The following SLC14A2 variants were observed in gnomAD, a reference collection of about 807,000 sequenced individuals.
SLC14A2 encodes the protein urea transporter 2.
A neutral mutation model predicts 104.6 loss-of-function variants in SLC14A2; 91 were observed. That is an observed-to-expected ratio of 0.87 (90% CI 0.73 to 1.04). The LOEUF is 1.04. Ranked by LOEUF, SLC14A2 falls within the 50% of genes least tolerant of loss-of-function variation. The pLI is 0.00. For missense variants in SLC14A2, 1,189 were observed against 1,156.0 expected, an observed-to-expected ratio of 1.03 and a Z score of -0.41; for synonymous variants, 476 against 466.4, an observed-to-expected ratio of 1.02 and a Z score of -0.27.
intron 1 of SLC14A2, among the ~76,000 whole-genome samples, chr18:45,441,025 T>G (rs1368190132): frequency 6.6e-6 from 1 of 152,192 alleles, no homozygotes; most frequent in African/African-American, 2.4e-5. Flanking sequence ...TGGTCTCCTA[T>G]TTTTGCCCAA....
chr18:45,461,398 G>T (rs2087042589), intron 1 of SLC14A2, among the ~76,000 whole-genome samples: 1 of 152,042 alleles, frequency 6.6e-6, no homozygotes, highest in Non-Finnish European at 1.5e-5. Context: ...AGTGAGAATT[G>T]CATTTCTCTT....
chr18:45,361,105 C>CT (rs774036262), intron 1 of SLC14A2, among the ~76,000 whole-genome samples: 2 of 152,290 alleles, frequency 1.3e-5, no homozygotes, highest in Non-Finnish European at 2.9e-5. Flanking sequence ...GACCACCCAG[C>CT]TAGAAGTCCC....
At chr18:45,627,911 G>C (rs2045284422) in intron 4 of SLC14A2, among the ~76,000 whole-genome samples, 1 of 150,112 alleles carries the variant, frequency 6.7e-6, no homozygotes, top group Admixed American at 6.7e-5. Flanking sequence ...TCGGAAGGCT[G>C]AGGATCTCTT....
intron 1 of SLC14A2, among the ~76,000 whole-genome samples, chr18:45,366,162 G>T (rs2085663642): frequency 6.6e-6 from 1 of 152,116 alleles, no homozygotes; most frequent in East Asian, 1.9e-4. Context: ...TGCCTCCCTG[G>T]TCAGGTGCTT....
chr18:45,350,242 C>T (rs756661322), intron 1 of SLC14A2, among the ~76,000 whole-genome samples: 7 of 152,174 alleles, frequency 4.6e-5, no homozygotes, highest in Non-Finnish European at 1.0e-4. Context: ...GAATAAATGT[C>T]GTTAAAAACC....
At chr18:45,362,286 T>C (rs1383284194) in intron 1 of SLC14A2, among the ~76,000 whole-genome samples, 1 of 152,204 alleles carries the variant, frequency 6.6e-6, no homozygotes, top group East Asian at 1.9e-4. Flanking sequence ...CTCAGGTAGT[T>C]CTTTACAGGA....
intron 1 of SLC14A2, among the ~76,000 whole-genome samples, chr18:45,299,044 T>G (rs970515993): frequency 1.3e-5 from 2 of 152,158 alleles, no homozygotes; most frequent in African/African-American, 4.8e-5. Flanking sequence ...GGTAGTTTTG[T>G]TTTGCAAATT....
At chr18:45,534,657 C>T (rs146495768) in intron 2 of SLC14A2, among the ~76,000 whole-genome samples, 1 of 152,226 alleles carries the variant, frequency 6.6e-6, no homozygotes, top group East Asian at 1.9e-4. Flanking sequence ...CAAGGTCAAG[C>T]AAGGGACAAG....
At chr18:45,628,010 AAAAAAAAAAAG>A (rs1409476424) in intron 4 of SLC14A2, among the ~76,000 whole-genome samples, 2 of 151,564 alleles carry the variant, frequency 1.3e-5, no homozygotes, top group East Asian at 1.9e-4. Context: ...CAAAAAAAAA[AAAAAAAAAAAG>A]AAAAGAAAAA....
At position 45,538,411 on chromosome 18, in the gene SLC14A2, G is replaced by T. The variant is rs548239355; in HGVS notation, c.-35+55089G>T. Among the ~76,000 whole-genome samples the T allele has an allele frequency of 4.6e-5, 7 of 152,310 alleles. No individual in the cohort carries two copies. The South Asian group carries it at 1.5e-3, about 32-fold the overall frequency. ...GCTTAGAGTCTTTCGTGAGGTTTCA[G>T]TTAAGCTATTATCCAAGGCCACGGT... On this transcript the variant is annotated intron_variant, in intron 2 of 20. Coordinates refer to the SLC14A2 transcript ENST00000586448.
intron 2 of SLC14A2, among the ~76,000 whole-genome samples, chr18:45,500,567 A>C: frequency 9.3e-6 from 1 of 107,206 alleles, no homozygotes; most frequent in Admixed American, 1.3e-4. Context: ...ACAGAGCGAG[A>C]CTCCGTCTCA....
At chr18:45,530,655 A>G (rs971427506) in intron 2 of SLC14A2, among the ~76,000 whole-genome samples, 8 of 152,054 alleles carry the variant, frequency 5.3e-5, no homozygotes, top group Admixed American at 3.9e-4. Context: ...GAGAAGGTAC[A>G]TGAGCTTTAG....
intron 2 of SLC14A2, among the ~76,000 whole-genome samples, chr18:45,550,492 G>C (rs1198195456): frequency 6.6e-6 from 1 of 152,188 alleles, no homozygotes; most frequent in Non-Finnish European, 1.5e-5. Context: ...TGAGCTCTCT[G>C]AAGGTAGGGA....
At chr18:45,252,892 A>T (rs2084437850) in intron 1 of SLC14A2, among the ~76,000 whole-genome samples, 2 of 151,812 alleles carry the variant, frequency 1.3e-5, no homozygotes, top group African/African-American at 4.8e-5. Flanking sequence ...GTCACAAAAG[A>T]TGCCTGTTTC....
At chr18:45,520,157 G>A (rs956094728) in intron 2 of SLC14A2, among the ~76,000 whole-genome samples, 3 of 152,260 alleles carry the variant, frequency 2.0e-5, no homozygotes, top group Admixed American at 6.5e-5. Flanking sequence ...TTCTTGGAAT[G>A]AGTCATTCAA....
intron 2 of SLC14A2, among the ~76,000 whole-genome samples, chr18:45,566,507 TCA>T (rs2044267903): frequency 1.3e-5 from 1 of 78,676 alleles, no homozygotes; most frequent in Non-Finnish European, 2.8e-5. Flanking sequence ...GTACATGCGC[TCA>T]CGCTCGCACA....
At position 45,399,478 on chromosome 18, in the gene SLC14A2, G is replaced by A. The variant is rs1598757483; in HGVS notation, c.-124-83755G>A. On this transcript the variant is annotated intron_variant, in intron 1 of 20. Transcript: ENST00000586448. ...CTTCCTAGAGCCTTATAAATATTCT[G>A]GATGTAGGCAGTCTAGCTGGGGTCC... Among the ~76,000 whole-genome samples the A allele has an allele frequency of 2.6e-5, 4 of 152,230 alleles. No homozygotes were observed. The South Asian group carries it at 8.3e-4, about 32-fold the overall frequency.
intron 1 of SLC14A2, among the ~76,000 whole-genome samples, chr18:45,406,290 A>G (rs1006460889): frequency 2.6e-5 from 4 of 152,206 alleles, no homozygotes; most frequent in Non-Finnish European, 4.4e-5. Context: ...TTTCTCATTC[A>G]TAAGAAGCAA....
intron 1 of SLC14A2, among the ~76,000 whole-genome samples, chr18:45,419,773 C>CAAAAA (rs56030142): frequency 7.2e-6 from 1 of 138,754 alleles, no homozygotes. Context: ...GACTCCAACT[C>CAAAAA]AAAAAAAAAA....
Sources: allele counts gnomAD v4.1 joint callset (sites outside exome capture counted in the v4.1 genomes callset), GRCh38; gene constraint gnomAD v4.1.1; transcripts MANE v1.5; gene names NCBI Gene and HGNC (gene_info 2026-07-23, HGNC 2026-07-21).